The following SOD2 variants were observed in gnomAD, a reference collection of about 807,000 sequenced individuals.
SOD2 encodes superoxide dismutase 2.
SOD2 carries 11 observed loss-of-function variants against 27.0 expected under a neutral mutation model. The ratio of observed to expected loss-of-function variants is 0.41; its 90% CI spans 0.26 to 0.67. The LOEUF is 0.67. Ranked by LOEUF, SOD2 falls within the 30% of genes least tolerant of loss-of-function variation. The probability of loss-of-function intolerance (pLI) is 0.34; values close to 1 mark genes in which losing one functional copy is unlikely to be tolerated. For synonymous variants in SOD2, 105 were observed against 103.0 expected (o/e 1.02, Z -0.12); for missense variants, 250 against 274.5 (o/e 0.91, Z 0.63).
rs553934603 is a variant in SOD2 at position 159,737,035 on chromosome 6, TCCCTCTGGTA to T, written c.-116+8085_-116+8094del. 5.9e-5 allele frequency among the ~76,000 whole-genome samples: 9 copies of T among 152,344 alleles called. No individual in the cohort carries two copies. In the East Asian group the frequency reaches 1.5e-3, roughly 26 times the overall value. On this transcript the variant is annotated intron_variant, in intron 1 of 3. Coordinates refer to the SOD2 transcript ENST00000537657. The stretch of plus-strand genomic sequence containing the variant: ...TCATAATCTGAGAATTACTGTGTGC[TCCCTCTGGTA>T]CCCTTTGATTTTCCTCCCTTGGAAC...
Position 159,727,322 on chromosome 6 carries a change from G to A in SOD2, c.-309C>T, listed in dbSNP as rs747000460. 10 of 1,272,608 alleles carry A rather than the reference G, an allele frequency of 7.9e-6. No homozygotes were observed. In the South Asian group the frequency reaches 1.1e-4, roughly 14 times the overall value. 78.8% of individuals were successfully genotyped at this position (1,272,608 alleles called of 1,614,324 possible). A position where few individuals can be genotyped will look rare whatever the true frequency, so the allele number is the denominator to read the frequency against. On this transcript the variant is annotated 5_prime_UTR_variant, in exon 1 of 3. Coordinates refer to the SOD2 transcript ENST00000401980. ...CGAGTGACTGCGGCCACGCCTGAAAGGCGACTCTCCTGTGAGTGGGCCAGA... is the reference window on the plus strand; with the variant it reads ...CGAGTGACTGCGGCCACGCCTGAAAAGCGACTCTCCTGTGAGTGGGCCAGA...
At chr6:159,690,613 TACAA>T (rs892168845) in intron 2 of SOD2, among the ~76,000 whole-genome samples, 8 of 64,784 alleles carry the variant, frequency 1.2e-4, no homozygotes, top group South Asian at 7.5e-4. Flanking sequence ...TTGTTAGGTT[TACAA>T]ACAGTTTTTT....
upstream of SOD2, chr6:159,748,983 A>G (rs1263039166): frequency 3.8e-6 from 4 of 1,040,434 alleles, no homozygotes; most frequent in African/African-American, 1.7e-5. The surrounding 1 kb of genome is among the most constrained non-coding windows in gnomAD (Gnocchi z 5.6). Context: ...AACTTTCAAT[A>G]GTCATGAGAG....
At chr6:159,692,940 A>T (rs2114795145) in intron 1 of SOD2, 77 bp from the exon 2 acceptor site, 1 of 1,395,298 alleles carries the variant, frequency 7.2e-7, no homozygotes, top group Non-Finnish European at 9.4e-7. Context: ...GAGGAACGGC[A>T]GCGCGCGGCG....
intron 1 of SOD2, chr6:159,736,214 G>A: frequency 6.4e-7 from 1 of 1,565,666 alleles, no homozygotes; most frequent in Non-Finnish European, 8.7e-7. Flanking sequence ...ACTTTCACTG[G>A]AAGAAAATAA....
upstream of SOD2, among the ~76,000 whole-genome samples, chr6:159,745,964 TTGAC>T (rs773679700): frequency 7.7e-4 from 117 of 152,288 alleles, no homozygotes; most frequent in Admixed American, 1.4e-3. Flanking sequence ...TTTGTCTTGT[TTGAC>T]TGAGTAACGA....
At chr6:159,687,975 TACTCCAGCCTGGGCA>T in intron 3 of SOD2, 136 bp downstream of exon 3, 5 of 590,696 alleles carry the variant, frequency 8.5e-6, no homozygotes, top group Non-Finnish European at 1.5e-5. Flanking sequence ...TGCGCCACTG[TACTCCAGCCTGGGCA>T]ACAAGAGCAA....
At chr6:159,752,737 G>A (rs747307526) in intron 1 of SOD2, among the ~76,000 whole-genome samples, 1 of 152,100 alleles carries the variant, frequency 6.6e-6, no homozygotes, top group Non-Finnish European at 1.5e-5. Flanking sequence ...GAAGATGGAT[G>A]TACCAGAAAA....
chr6:159,756,908 T>C (rs920862335), intron 1 of SOD2, among the ~76,000 whole-genome samples: 4 of 152,138 alleles, frequency 2.6e-5, no homozygotes, highest in South Asian at 2.1e-4. Context: ...CTGGCCCTTT[T>C]TGAGTTTTAA....
At chr6:159,748,896 A>G, upstream of SOD2, 1 of 1,184,334 alleles carries the variant, frequency 8.4e-7, no homozygotes, top group Non-Finnish European at 1.0e-6. This position sits in a 1 kb window ranked among gnomAD's most constrained non-coding sequence, Gnocchi z 5.6. Flanking sequence ...TGTGGACTTC[A>G]TGATTGTTGT....
At chr6:159,726,252 T>C (rs1332590278) in intron 1 of SOD2, 1 of 152,700 alleles carries the variant, frequency 6.5e-6, no homozygotes, top group Admixed American at 6.5e-5. Flanking sequence ...ACCATTACGG[T>C]ATTTTTTCTG....
At chr6:159,693,277 G>C, upstream of SOD2, 2 of 1,029,336 alleles carry the variant, frequency 1.9e-6, no homozygotes, top group Non-Finnish European at 2.8e-6. Context: ...TTAAGAAAGC[G>C]CGGGGAGCAG....
intron 1 of SOD2, among the ~76,000 whole-genome samples, chr6:159,721,636 GGGATTACA>G (rs1331897801): frequency 6.7e-6 from 1 of 150,132 alleles, no homozygotes; most frequent in African/African-American, 2.5e-5. Context: ...CCAAAGTGCT[GGGATTACA>G]GGATTACAGG....
Position 159,680,077 on chromosome 6 carries a change from C to A in SOD2, c.*2416G>T, listed in dbSNP as rs1582998762. On this transcript the variant is annotated 3_prime_UTR_variant, in exon 5 of 5. Coordinates refer to ENST00000538183, the MANE Select transcript of SOD2 (RefSeq NM_000636.4). ...CTTCCTCACTCTCTCACCAGAAAGC[C>A]AAAGCAAAAATAGAGCCCCACAGAA... 1 of 152,066 alleles carries A rather than the reference C, an allele frequency of 6.6e-6. No homozygotes were observed. Among genetic ancestry groups the A allele is most frequent in the African/African-American group, 2.4e-5 (1 of 41,396 alleles). 9.4% of individuals were successfully genotyped at this position (152,066 alleles called of 1,614,324 possible).
chr6:159,688,173 C>G lies in SOD2; in HGVS notation c.296G>C (p.Ser99Thr), dbSNP rs1583012911. Residue 99 changes from serine to threonine, a missense_variant, in exon 3 of 5, where the codon AGC (serine) becomes ACC (threonine). Coordinates refer to ENST00000538183, the MANE Select transcript of SOD2 (RefSeq NM_000636.4). ...KFNGGGHINHSIFWTNLSPNG... is the reference protein window; with the variant it reads ...KFNGGGHINHTIFWTNLSPNG... ...AGGGCTGAGGTTTGTCCAGAAAATG[C>G]TATGATTGATATGACCACCACCATT... 1 of 1,613,876 alleles carries G rather than the reference C, an allele frequency of 6.2e-7. No individual in the cohort carries two copies. The highest frequency in any genetic ancestry group is 8.5e-7 in the Non-Finnish European group (1 of 1,179,786).
upstream of SOD2, among the ~76,000 whole-genome samples, chr6:159,695,688 G>C (rs192731433): frequency 1.3e-5 from 2 of 152,142 alleles, no homozygotes; most frequent in Admixed American, 1.3e-4. Context: ...TAGAAACAGA[G>C]TTTCTTCATG....
chr6:159,744,465 A>G (rs1330934776), intron 1 of SOD2, among the ~76,000 whole-genome samples: 1 of 152,154 alleles, frequency 6.6e-6, no homozygotes, highest in African/African-American at 2.4e-5. Flanking sequence ...CTTATGTGTT[A>G]TTAAAGTCTT....
chr6:159,728,935 G>A (rs1346452319), upstream of SOD2, among the ~76,000 whole-genome samples: 5 of 152,326 alleles, frequency 3.3e-5, no homozygotes, highest in East Asian at 9.6e-4. Flanking sequence ...AAGGATAAAA[G>A]TAATAATAAT....
upstream of SOD2, among the ~76,000 whole-genome samples, chr6:159,728,415 A>C (rs78402578): frequency 6.5e-4 from 90 of 139,016 alleles, no homozygotes; most frequent in East Asian, 0.013. Context: ...ATTATGTAAA[A>C]AAAACAAAAC....
Sources: gnomAD v4.1 joint callset for allele counts (sites outside exome capture counted in the v4.1 genomes callset) on GRCh38, gnomAD v4.1.1 for gene constraint, Gnocchi (gnomAD v3.1) non-coding constraint, MANE v1.5 for transcripts, NCBI Gene and HGNC (gene_info 2026-07-23, HGNC 2026-07-21) for gene names.